The following SGCZ variants were observed in gnomAD, a reference collection of about 807,000 sequenced individuals.
SGCZ encodes the protein zeta-sarcoglycan.
A neutral mutation model predicts 41.3 loss-of-function variants in SGCZ; 40 were observed. The observed-to-expected ratio is 0.97, with a 90% CI of 0.75 to 1.26. The LOEUF (loss-of-function observed/expected upper bound fraction) is 1.26. SGCZ is among the 50% of genes most tolerant of loss of function. The pLI, the probability that SGCZ is intolerant of heterozygous loss-of-function variation, is 0.00. For synonymous variants in SGCZ, 206 were observed against 137.5 expected, an observed-to-expected ratio of 1.50 and a Z score of -3.49; for missense variants, 552 against 369.8, an observed-to-expected ratio of 1.49 and a Z score of -4.04.
At chr8:15,183,499 C>A (rs200630903) in intron 1 of SGCZ, among the ~76,000 whole-genome samples, 2 of 152,154 alleles carry the variant, frequency 1.3e-5, no homozygotes, top group East Asian at 1.9e-4. Context: ...ATACACTGTA[C>A]CTTTGATAAC....
intron 1 of SGCZ, among the ~76,000 whole-genome samples, chr8:14,914,283 T>A (rs1799363831): frequency 6.6e-6 from 1 of 151,808 alleles, no homozygotes; most frequent in Non-Finnish European, 1.5e-5. Flanking sequence ...ATAAACAAAG[T>A]AAAATAAGAT....
intron 1 of SGCZ, among the ~76,000 whole-genome samples, chr8:14,750,040 A>G (rs190177070): frequency 2.6e-5 from 4 of 152,320 alleles, no homozygotes; most frequent in African/African-American, 9.6e-5. Context: ...AGGTAGAAAT[A>G]CCATACAAAG....
intron 2 of SGCZ, among the ~76,000 whole-genome samples, chr8:14,488,393 A>AG (rs1481711880): frequency 7.2e-6 from 1 of 138,046 alleles, no homozygotes; most frequent in Non-Finnish European, 1.6e-5. Context: ...CAATGGCCTT[A>AG]ACTCCCCTCC....
chr8:14,610,498 G>A (rs1805892604), intron 1 of SGCZ, among the ~76,000 whole-genome samples: 1 of 151,842 alleles, frequency 6.6e-6, no homozygotes, highest in African/African-American at 2.4e-5. Context: ...ATTTATTTGG[G>A]TCTCAAGAAC....
At chr8:14,365,426 C>T (rs931034352) in intron 2 of SGCZ, among the ~76,000 whole-genome samples, 1 of 152,206 alleles carries the variant, frequency 6.6e-6, no homozygotes, top group East Asian at 1.9e-4. Flanking sequence ...TTTGATGTAT[C>T]ATCTCATTTA....
intron 1 of SGCZ, among the ~76,000 whole-genome samples, chr8:15,021,195 G>C (rs898774459): frequency 6.6e-6 from 1 of 152,306 alleles, no homozygotes; most frequent in East Asian, 1.9e-4. Flanking sequence ...AATAGATTTA[G>C]AACTGGTATC....
intron 1 of SGCZ, among the ~76,000 whole-genome samples, chr8:15,204,957 A>C (rs1408036888): frequency 6.6e-6 from 1 of 152,174 alleles, no homozygotes; most frequent in East Asian, 1.9e-4. Context: ...CCTGTCTTTA[A>C]AATCTTTTAT....
chr8:14,129,992 C>G (rs1417433062), intron 5 of SGCZ, among the ~76,000 whole-genome samples: 1 of 152,052 alleles, frequency 6.6e-6, no homozygotes, highest in Non-Finnish European at 1.5e-5. Context: ...AACGTGATCC[C>G]AAGTTCATAT....
intron 4 of SGCZ, among the ~76,000 whole-genome samples, chr8:14,168,285 A>T (rs1454690604): frequency 6.6e-6 from 1 of 151,426 alleles, no homozygotes; most frequent in Non-Finnish European, 1.5e-5. Context: ...CCAACAACAA[A>T]CTAAGTTTAA....
intron 1 of SGCZ, among the ~76,000 whole-genome samples, chr8:14,938,734 G>A (rs565519431): frequency 6.6e-6 from 1 of 152,136 alleles, no homozygotes; most frequent in African/African-American, 2.4e-5. Flanking sequence ...ATTATTCTAA[G>A]TGAAGTAATT....
At chr8:14,878,361 G>C (rs1179343308) in intron 1 of SGCZ, among the ~76,000 whole-genome samples, 2 of 151,508 alleles carry the variant, frequency 1.3e-5, no homozygotes, top group Admixed American at 6.6e-5. Flanking sequence ...TATTATGCAA[G>C]TTAAAATATA....
At chr8:14,623,181 C>T (rs916481368) in intron 1 of SGCZ, among the ~76,000 whole-genome samples, 2 of 152,062 alleles carry the variant, frequency 1.3e-5, no homozygotes, top group African/African-American at 4.8e-5. Flanking sequence ...GGCATAATAA[C>T]GAAATAACCA....
At chr8:14,197,131 A>G (rs1458439595) in intron 4 of SGCZ, among the ~76,000 whole-genome samples, 1 of 152,194 alleles carries the variant, frequency 6.6e-6, no homozygotes, top group East Asian at 1.9e-4. Context: ...TACAGTTGTT[A>G]TAAAATAAAG....
At chr8:14,572,091 A>G (rs1167447369) in intron 1 of SGCZ, among the ~76,000 whole-genome samples, 1 of 152,226 alleles carries the variant, frequency 6.6e-6, no homozygotes, top group African/African-American at 2.4e-5. Context: ...GCACTTATTC[A>G]TTAAATTGTT....
At chr8:14,626,205 A>G (rs970918615) in intron 1 of SGCZ, among the ~76,000 whole-genome samples, 14 of 152,020 alleles carry the variant, frequency 9.2e-5, no homozygotes, top group African/African-American at 3.4e-4. Flanking sequence ...CAGGTTTGTT[A>G]CATAGGTAAA....
At chr8:14,592,381 G>A (rs1325437320) in intron 1 of SGCZ, among the ~76,000 whole-genome samples, 2 of 152,030 alleles carry the variant, frequency 1.3e-5, no homozygotes, top group Admixed American at 1.3e-4. Context: ...ATAGTCCAAT[G>A]TATTTTCTAC....
At chr8:14,246,397 C>A (rs10102506) in intron 3 of SGCZ, among the ~76,000 whole-genome samples, 1 of 151,280 alleles carries the variant, frequency 6.6e-6, no homozygotes, top group Admixed American at 6.6e-5. Flanking sequence ...ATTGAATAAT[C>A]AGAACACATG....
intron 2 of SGCZ, among the ~76,000 whole-genome samples, chr8:14,519,082 A>G (rs1299348258): frequency 2.0e-5 from 3 of 151,580 alleles, no homozygotes; most frequent in Non-Finnish European, 4.4e-5. Flanking sequence ...AAAAAAAAAA[A>G]AAAGACAGAG....
intron 1 of SGCZ, among the ~76,000 whole-genome samples, chr8:15,098,125 C>T (rs1457880708): frequency 2.0e-5 from 3 of 150,088 alleles, no homozygotes; most frequent in African/African-American, 7.4e-5. Context: ...AACAGCCCCA[C>T]ATTAAAAAGC....
Sources: allele counts gnomAD v4.1 joint callset (sites outside exome capture counted in the v4.1 genomes callset), GRCh38; gene constraint gnomAD v4.1.1; transcripts MANE v1.5; gene names NCBI Gene and HGNC (gene_info 2026-07-23, HGNC 2026-07-21).